Variants in PARD3B observed in about 807,000 individuals in gnomAD.
PARD3B encodes partitioning defective 3 homolog B.
Under a neutral mutation model 130.2 loss-of-function variants are expected in PARD3B, and 103 were observed. The ratio of observed to expected loss-of-function variants is 0.79; its 90% confidence interval spans 0.67 to 0.93. The LOEUF (loss-of-function observed/expected upper bound fraction) is 0.93, where lower values mean the gene tolerates loss of function less well. Among genes scored for constraint, PARD3B ranks in the 40% least tolerant of loss-of-function variants. The pLI is 0.00. For missense variants in PARD3B, 1,609 were observed against 1,499.2 expected (o/e 1.07, Z -1.21); for synonymous variants, 583 against 553.2 (o/e 1.05, Z -0.76).
At chr2:205,371,339 G>T (rs181486744) in intron 18 of PARD3B, among the ~76,000 whole-genome samples, 2 of 152,224 alleles carry the variant, frequency 1.3e-5, no homozygotes, top group African/African-American at 4.8e-5. Context: ...AATGAAACTT[G>T]TTCTGTATGG....
At chr2:204,766,118 A>C (rs565359478) in intron 2 of PARD3B, among the ~76,000 whole-genome samples, 11 of 152,236 alleles carry the variant, frequency 7.2e-5, no homozygotes, top group African/African-American at 2.4e-4. Context: ...ATTTTGTTTC[A>C]TATTATTGCC....
chr2:205,363,575 T>C (rs771371948), intron 18 of PARD3B, among the ~76,000 whole-genome samples: 2 of 152,102 alleles, frequency 1.3e-5, no homozygotes, highest in Non-Finnish European at 2.9e-5. Flanking sequence ...GACATAGAAA[T>C]TAGAACTCAC....
chr2:204,936,457 AT>A (rs1688469766), intron 2 of PARD3B, among the ~76,000 whole-genome samples: 1 of 152,116 alleles, frequency 6.6e-6, no homozygotes, highest in African/African-American at 2.4e-5. Flanking sequence ...TCCCTACAGC[AT>A]TTTTTTCCCT....
chr2:205,090,902 G>A (rs760653897), intron 4 of PARD3B, among the ~76,000 whole-genome samples: 5 of 152,092 alleles, frequency 3.3e-5, no homozygotes, highest in South Asian at 2.1e-4. Context: ...GTAAACAGTC[G>A]GCCAATTTCA....
At chr2:204,741,100 G>A (rs370922943) in intron 2 of PARD3B, among the ~76,000 whole-genome samples, 46 of 152,178 alleles carry the variant, frequency 3.0e-4, no homozygotes, top group African/African-American at 9.9e-4. Context: ...GAAGCTTGTA[G>A]CATAATTAAA....
At chr2:204,844,284 A>G (rs893218307) in intron 2 of PARD3B, among the ~76,000 whole-genome samples, 1 of 152,162 alleles carries the variant, frequency 6.6e-6, no homozygotes, top group Non-Finnish European at 1.5e-5. Context: ...AGAGTAAATA[A>G]TTTTAGTACC....
At chr2:204,833,385 A>T (rs2043903099) in intron 2 of PARD3B, among the ~76,000 whole-genome samples, 1 of 152,008 alleles carries the variant, frequency 6.6e-6, no homozygotes, top group Non-Finnish European at 1.5e-5. Flanking sequence ...CCCTGTAAAG[A>T]CTCTGCTTCC....
rs146967186 is a variant in PARD3B, at chr2:205,101,373, A to G, written c.505-3053A>G. Among the ~76,000 whole-genome samples, 649 of 152,328 alleles carry G rather than the reference A, an allele frequency of 4.3e-3. 6 individuals are homozygous for G. The highest frequency in any genetic ancestry group is 0.015 in the African/African-American group (623 of 41,560). ...AGGATGAATAAAATAAATTAAAATTAAAAATGAAAATAAGTTGTGGCAAGT... is the reference window on the plus strand; with the variant it reads ...AGGATGAATAAAATAAATTAAAATTGAAAATGAAAATAAGTTGTGGCAAGT... On this transcript the variant is annotated intron_variant, in intron 4 of 22. Coordinates refer to ENST00000406610, the MANE Select transcript of PARD3B (RefSeq NM_001302769.2).
At chr2:205,153,015 G>A (rs1363702955) in intron 10 of PARD3B, among the ~76,000 whole-genome samples, 3 of 152,238 alleles carry the variant, frequency 2.0e-5, no homozygotes, top group Non-Finnish European at 4.4e-5. Context: ...CACTCAGGAC[G>A]CTCAGCTGCA....
At chr2:205,374,812 C>T (rs2044975638) in intron 18 of PARD3B, among the ~76,000 whole-genome samples, 1 of 152,000 alleles carries the variant, frequency 6.6e-6, no homozygotes, top group Non-Finnish European at 1.5e-5. Flanking sequence ...TAAAATGAAA[C>T]AAGCCAAGAA....
intron 1 of PARD3B, among the ~76,000 whole-genome samples, chr2:204,618,275 G>C (rs1300589207): frequency 6.6e-6 from 1 of 152,194 alleles, no homozygotes; most frequent in Admixed American, 6.5e-5. Flanking sequence ...GGCATGGAGT[G>C]TGTGCAGTGG....
At chr2:204,704,791 TC>T (rs1266950516) in intron 2 of PARD3B, among the ~76,000 whole-genome samples, 1 of 152,182 alleles carries the variant, frequency 6.6e-6, no homozygotes, top group Non-Finnish European at 1.5e-5. Flanking sequence ...GAATATTTTT[TC>T]CCCTAATGCT....
chr2:204,930,914 A>G (rs1231841597), intron 2 of PARD3B, among the ~76,000 whole-genome samples: 2 of 152,086 alleles, frequency 1.3e-5, no homozygotes, highest in Non-Finnish European at 2.9e-5. Flanking sequence ...ACACTTGAGT[A>G]TATGGTTTAT....
chr2:205,589,082 G>A lies in PARD3B; in HGVS notation c.3261-26374G>A, dbSNP rs182758336. On this transcript the variant is annotated intron_variant, in intron 22 of 22. Coordinates refer to ENST00000406610, the MANE Select transcript of PARD3B (RefSeq NM_001302769.2). This position sits in a 1 kb window ranked among gnomAD's most constrained non-coding sequence, Gnocchi z 4.1. ...GCAGGTGGATCCTTTGAATCCAGGA[G>A]TTTCAGACCAGTCTGGGTAACATGG... Among the ~76,000 whole-genome samples the A allele has an allele frequency of 6.6e-6, 1 of 152,308 alleles. No individual in the cohort carries two copies. The highest frequency in any genetic ancestry group is 6.5e-5 in the Admixed American group (1 of 15,304).
rs1308520594 is a variant in PARD3B, at chr2:205,497,434, T to TTC, written c.3045-2461_3045-2460insCT. ...AAAAGGTGTTTACTCACCATTTTTT[T>TTC]TTTTTTTTTTTTTGTAATTTACAAA... On this transcript the variant is annotated intron_variant, in intron 20 of 22. Transcript: ENST00000406610. Among the ~76,000 whole-genome samples the TTC allele has an allele frequency of 2.9e-4, 44 of 151,130 alleles. No homozygotes were observed. In the East Asian group the frequency reaches 8.0e-3, roughly 27 times the overall value.
At chr2:204,556,574 G>T (rs2030938018) in intron 1 of PARD3B, among the ~76,000 whole-genome samples, 1 of 152,102 alleles carries the variant, frequency 6.6e-6, no homozygotes, top group African/African-American at 2.4e-5. Flanking sequence ...CTAGGTGGAG[G>T]GAAAAAAGTG....
At chr2:204,681,350 G>A (rs190953767) in intron 1 of PARD3B, among the ~76,000 whole-genome samples, 114 of 152,094 alleles carry the variant, frequency 7.5e-4, no homozygotes, top group African/African-American at 2.6e-3. Context: ...AATTCTATTG[G>A]ACTTGCTAGG....
intron 11 of PARD3B, among the ~76,000 whole-genome samples, chr2:205,166,964 C>T (rs2034855073): frequency 6.6e-6 from 1 of 152,206 alleles, no homozygotes. Context: ...TGTGGACTGG[C>T]CTTGGGCCAC....
intron 1 of PARD3B, among the ~76,000 whole-genome samples, chr2:204,632,824 T>C (rs570491574): frequency 1.8e-3 from 267 of 152,308 alleles, no homozygotes; most frequent in Non-Finnish European, 2.9e-3. Flanking sequence ...TCATTCTCCG[T>C]GGGTCAAGGT....
Sources: allele counts gnomAD v4.1 joint callset (sites outside exome capture counted in the v4.1 genomes callset), GRCh38; gene constraint gnomAD v4.1.1; non-coding constraint Gnocchi (gnomAD v3.1); transcripts MANE v1.5; gene names NCBI Gene and HGNC (gene_info 2026-07-23, HGNC 2026-07-21).